Variants in IL1RAPL2 observed in about 807,000 individuals in gnomAD.
The protein encoded by IL1RAPL2 is interleukin 1 receptor accessory protein like 2, also known as X-linked interleukin-1 receptor accessory protein-like 2.
A neutral mutation model predicts 44.1 loss-of-function variants in IL1RAPL2; 3 were observed. The observed-to-expected ratio is 0.07, with a 90% CI of 0.03 to 0.18. IL1RAPL2 has a LOEUF of 0.18. Ranked by LOEUF, IL1RAPL2 falls within the 10% of genes least tolerant of loss-of-function variation. The pLI is 1.00. For missense variants in IL1RAPL2, 391 were observed against 496.4 expected, an observed-to-expected ratio of 0.79 and a Z score of 2.02; for synonymous variants, 181 against 178.8, an observed-to-expected ratio of 1.01 and a Z score of -0.10.
In IL1RAPL2 at chrX:104,695,943, G is replaced by A. The variant is rs183456643; in HGVS notation, c.82+36948G>A. On this transcript the variant is annotated intron_variant, in intron 2 of 10. Transcript: ENST00000372582. The stretch of plus-strand genomic sequence containing the variant: ...CTGCTTCAGCCTCCTGAGTAGCTGG[G>A]ATTACAGGCGCCCGCCACCACACCC... 5.3e-3 allele frequency among the ~76,000 whole-genome samples: 584 copies of A among 111,094 alleles called. 4 individuals are homozygous for A. The highest frequency in any genetic ancestry group is 9.2e-3 in the Middle Eastern group (2 of 218).
intron 2 of IL1RAPL2, among the ~76,000 whole-genome samples, chrX:104,907,193 C>T (rs1277220351): frequency 7.2e-5 from 8 of 111,378 alleles, no homozygotes; most frequent in Non-Finnish European, 1.1e-4. Context: ...TCTTCTCTCT[C>T]TTTTTCTTTA....
chrX:105,197,002 T>G (rs1411414954), intron 3 of IL1RAPL2, among the ~76,000 whole-genome samples: 1 of 111,745 alleles, frequency 8.9e-6, no homozygotes, highest in Non-Finnish European at 1.9e-5. Flanking sequence ...GAGGTCTCAT[T>G]GTTCAAAAGC....
chrX:105,128,170 C>T (rs2032992780), intron 2 of IL1RAPL2, among the ~76,000 whole-genome samples: 2 of 110,440 alleles, frequency 1.8e-5, no homozygotes, highest in Non-Finnish European at 3.8e-5. Context: ...TTTTTATGTC[C>T]CTGGGCTTCT....
intron 1 of IL1RAPL2, among the ~76,000 whole-genome samples, chrX:104,572,156 G>T (rs749607602): frequency 5.4e-5 from 6 of 111,678 alleles, no homozygotes; most frequent in Non-Finnish European, 9.4e-5. Flanking sequence ...GAGGCAGGTG[G>T]TCTGTCCAAA....
chrX:105,675,477 A>G (rs1771554846), intron 6 of IL1RAPL2, among the ~76,000 whole-genome samples: 1 of 112,139 alleles, frequency 8.9e-6, no homozygotes, highest in African/African-American at 3.2e-5. Flanking sequence ...TGATTTGCAT[A>G]TATTGAACAA....
intron 1 of IL1RAPL2, among the ~76,000 whole-genome samples, chrX:104,615,252 G>A (rs746905708): frequency 4.5e-5 from 5 of 111,563 alleles, no homozygotes; most frequent in Admixed American, 9.5e-5. Context: ...TGAGGTACAT[G>A]TACAGGATGT....
intron 2 of IL1RAPL2, among the ~76,000 whole-genome samples, chrX:104,765,849 A>G (rs1391063238): frequency 1.8e-5 from 2 of 112,038 alleles, no homozygotes; most frequent in Admixed American, 9.4e-5. Context: ...TACTTCCCTA[A>G]AATATTTGTC....
intron 2 of IL1RAPL2, among the ~76,000 whole-genome samples, chrX:104,981,355 G>A (rs1482786811): frequency 1.8e-5 from 2 of 110,115 alleles, no homozygotes; most frequent in Non-Finnish European, 3.8e-5. Context: ...TGAATGTTTA[G>A]GTTTGTGTTC....
intron 5 of IL1RAPL2, among the ~76,000 whole-genome samples, chrX:105,388,356 A>ATTTTTTTTTTTTTTTTTTTT (rs772573698): frequency 1.6e-5 from 1 of 61,269 alleles, no homozygotes; most frequent in African/African-American, 1.0e-4. Flanking sequence ...ACCAAAGCAG[A>ATTTTTTTTTTTTTTTTTTTT]TTTTTTTTTT....
intron 2 of IL1RAPL2, among the ~76,000 whole-genome samples, chrX:104,679,250 A>G (rs1394137893): frequency 9.0e-6 from 1 of 111,693 alleles, no homozygotes; most frequent in African/African-American, 3.3e-5. Flanking sequence ...CATCCTGCTG[A>G]TTAAAAAAAT....
At chrX:105,345,105 T>A (rs2035100471) in intron 5 of IL1RAPL2, among the ~76,000 whole-genome samples, 4 of 111,392 alleles carry the variant, frequency 3.6e-5, no homozygotes, top group African/African-American at 1.3e-4. Context: ...GAGAACCGAG[T>A]TTCATTTTTA....
intron 2 of IL1RAPL2, among the ~76,000 whole-genome samples, chrX:105,166,513 G>A (rs942967596): frequency 8.9e-6 from 1 of 112,141 alleles, no homozygotes; most frequent in African/African-American, 3.2e-5. Context: ...TTGGAGGAAA[G>A]TATGCAGGCT....
chrX:105,628,366 T>C (rs2037468864), intron 6 of IL1RAPL2, among the ~76,000 whole-genome samples: 1 of 111,189 alleles, frequency 9.0e-6, no homozygotes, highest in Non-Finnish European at 1.9e-5. Flanking sequence ...GTCTGCTGTG[T>C]ATGTTGTCTA....
intron 2 of IL1RAPL2, among the ~76,000 whole-genome samples, chrX:104,773,019 C>T (rs1932662564): frequency 1.8e-5 from 2 of 111,231 alleles, no homozygotes; most frequent in Admixed American, 1.9e-4. Context: ...CAGTGATCCT[C>T]CCACCTCAGC....
At chrX:104,712,666 G>A (rs946882073) in intron 2 of IL1RAPL2, among the ~76,000 whole-genome samples, 3 of 110,479 alleles carry the variant, frequency 2.7e-5, no homozygotes, top group Non-Finnish European at 3.8e-5. Flanking sequence ...CTCACTGAAC[G>A]AACATTTAAA....
intron 2 of IL1RAPL2, among the ~76,000 whole-genome samples, chrX:104,718,868 C>T (rs909339852): frequency 4.5e-5 from 5 of 111,609 alleles, no homozygotes; most frequent in African/African-American, 1.6e-4. Flanking sequence ...TTTTGTAGGC[C>T]ATACAGTCTC....
chrX:104,624,132 A>C (rs1162316258), intron 1 of IL1RAPL2, among the ~76,000 whole-genome samples: 1 of 111,743 alleles, frequency 8.9e-6, no homozygotes, highest in Non-Finnish European at 1.9e-5. Flanking sequence ...TCCATAAACT[A>C]TTTATTCTTT....
chrX:105,732,175 C>T (rs767702963), intron 7 of IL1RAPL2, among the ~76,000 whole-genome samples: 74 of 110,897 alleles, frequency 6.7e-4, no homozygotes, highest in African/African-American at 2.3e-3. Flanking sequence ...TATTTGTTTC[C>T]TTTTTTGTTC....
chrX:104,980,886 T>G (rs904393347), intron 2 of IL1RAPL2, among the ~76,000 whole-genome samples: 9 of 111,811 alleles, frequency 8.0e-5, no homozygotes, highest in Non-Finnish European at 1.1e-4. Context: ...GCATTGAATC[T>G]ATAAATTGCT....
Sources: gnomAD v4.1 joint callset for allele counts (sites outside exome capture counted in the v4.1 genomes callset) on GRCh38, gnomAD v4.1.1 for gene constraint, MANE v1.5 for transcripts, NCBI Gene and HGNC (gene_info 2026-07-23, HGNC 2026-07-21) for gene names.